The following LRMDA variants were observed in gnomAD, a reference collection of about 807,000 sequenced individuals.
LRMDA encodes leucine rich melanocyte differentiation associated.
Under a neutral mutation model 29.8 loss-of-function variants are expected in LRMDA, and 18 were observed. The ratio of observed to expected loss-of-function variants is 0.60; its 90% CI spans 0.42 to 0.90. The LOEUF (loss-of-function observed/expected upper bound fraction) is 0.90, where lower values mean the gene tolerates loss of function less well. Among genes scored for constraint, LRMDA ranks in the 40% least tolerant of loss-of-function variants. The pLI, the probability that LRMDA is intolerant of heterozygous loss-of-function variation, is 0.00. For synonymous variants in LRMDA, 125 were observed against 109.4 expected, an observed-to-expected ratio of 1.14 and a Z score of -0.89; for missense variants, 273 against 273.9, an observed-to-expected ratio of 1.00 and a Z score of 0.02.
At chr10:75,954,459 A>T (rs140360925) in intron 2 of LRMDA, among the ~76,000 whole-genome samples, 1 of 152,234 alleles carries the variant, frequency 6.6e-6, no homozygotes, top group Non-Finnish European at 1.5e-5. Flanking sequence ...GCTAAAATGC[A>T]TGTTTTTCAC....
chr10:76,131,368 C>T lies in LRMDA; in HGVS notation c.516+72585C>T, dbSNP rs138154284. Among the ~76,000 whole-genome samples, 491 of 152,274 alleles carry T rather than the reference C, an allele frequency of 3.2e-3. 1 individual carries two copies. The highest frequency in any genetic ancestry group is 0.011 in the African/African-American group (459 of 41,560). The stretch of plus-strand genomic sequence containing the variant: ...TTCCTCTCAGCCAAACAGAATCACC[C>T]CTGAGGTGCCATAGCCCTTCATCCC... On this transcript the variant is annotated intron_variant, in intron 5 of 6. Coordinates refer to ENST00000611255, the MANE Select transcript of LRMDA (RefSeq NM_001305581.2).
At chr10:75,867,018 G>T (rs1331087582) in intron 2 of LRMDA, among the ~76,000 whole-genome samples, 1 of 152,158 alleles carries the variant, frequency 6.6e-6, no homozygotes, top group African/African-American at 2.4e-5. Context: ...ATAATATGCT[G>T]TACATCTGTG....
intron 2 of LRMDA, among the ~76,000 whole-genome samples, chr10:75,666,662 C>A (rs1841826475): frequency 6.6e-6 from 1 of 151,448 alleles, no homozygotes; most frequent in Non-Finnish European, 1.5e-5. Flanking sequence ...GTATAAGGAC[C>A]ATTTAATAAG....
At chr10:76,247,791 G>A (rs1265774414) in intron 5 of LRMDA, among the ~76,000 whole-genome samples, 1 of 152,146 alleles carries the variant, frequency 6.6e-6, no homozygotes, top group Non-Finnish European at 1.5e-5. Flanking sequence ...GCATTTGCAT[G>A]TGGGGTCCTA....
At chr10:75,837,399 G>A (rs956361583) in intron 2 of LRMDA, among the ~76,000 whole-genome samples, 1 of 152,138 alleles carries the variant, frequency 6.6e-6, no homozygotes, top group African/African-American at 2.4e-5. Flanking sequence ...TAAGGTCTTC[G>A]TAGAAATGTC....
At chr10:76,387,557 C>G (rs888165661) in intron 6 of LRMDA, among the ~76,000 whole-genome samples, 3 of 151,232 alleles carry the variant, frequency 2.0e-5, no homozygotes, top group Non-Finnish European at 2.9e-5. Context: ...GAGGTATGAT[C>G]ATGCCGCTGC....
intron 2 of LRMDA, among the ~76,000 whole-genome samples, chr10:76,008,594 A>G (rs1004825153): frequency 6.6e-6 from 1 of 152,254 alleles, no homozygotes; most frequent in African/African-American, 2.4e-5. Context: ...TGGCGTGGCC[A>G]GTGCCAACCT....
intron 2 of LRMDA, among the ~76,000 whole-genome samples, chr10:75,540,075 T>A (rs1013396644): frequency 2.0e-5 from 3 of 152,138 alleles, no homozygotes. Flanking sequence ...GCAGAAATAA[T>A]AACAGATAAT....
intron 2 of LRMDA, among the ~76,000 whole-genome samples, chr10:75,692,830 G>A (rs1842188563): frequency 6.6e-6 from 1 of 152,124 alleles, no homozygotes; most frequent in African/African-American, 2.4e-5. Context: ...TGCCACGTGT[G>A]TGTGCAGTCA....
chr10:75,754,454 A>G (rs183998398), intron 2 of LRMDA, among the ~76,000 whole-genome samples: 1 of 152,380 alleles, frequency 6.6e-6, no homozygotes, highest in East Asian at 1.9e-4. Context: ...AGCATATAAT[A>G]CAAGTTGCAT....
intron 6 of LRMDA, among the ~76,000 whole-genome samples, chr10:76,328,381 A>G (rs978254982): frequency 6.6e-6 from 1 of 152,206 alleles, no homozygotes; most frequent in Non-Finnish European, 1.5e-5. Flanking sequence ...TAGAATGTAA[A>G]CTATATCATC....
chr10:75,529,838 A>G (rs894404957), intron 2 of LRMDA, among the ~76,000 whole-genome samples: 1 of 152,214 alleles, frequency 6.6e-6, no homozygotes, highest in Non-Finnish European at 1.5e-5. Flanking sequence ...CAACGTATCT[A>G]TATTGGAAAA....
chr10:75,674,310 C>A (rs1249327275), intron 2 of LRMDA, among the ~76,000 whole-genome samples: 2 of 152,126 alleles, frequency 1.3e-5, no homozygotes, highest in Non-Finnish European at 2.9e-5. Flanking sequence ...CCGCACAACA[C>A]CTTTCTGTTC....
intron 2 of LRMDA, among the ~76,000 whole-genome samples, chr10:75,513,318 G>A (rs2915028): frequency 0.52 from 79,027 of 151,962 alleles, 22,549 homozygotes; most frequent in Non-Finnish European, 0.63. Context: ...TCTTGCGTGC[G>A]TGTTGGCTTG....
intron 6 of LRMDA, among the ~76,000 whole-genome samples, chr10:76,538,158 C>T (rs1189020902): frequency 2.0e-5 from 3 of 151,904 alleles, no homozygotes; most frequent in African/African-American, 4.8e-5. Flanking sequence ...CATTTTCCAT[C>T]CTTTCCAATT....
At chr10:75,520,231 G>T (rs1845340373) in intron 2 of LRMDA, among the ~76,000 whole-genome samples, 1 of 152,172 alleles carries the variant, frequency 6.6e-6, no homozygotes, top group South Asian at 2.1e-4. Flanking sequence ...GGCCTGCCTT[G>T]GTAGGTTGGG....
chr10:75,531,995 GATTGCACC>G (rs1845482461), intron 2 of LRMDA, among the ~76,000 whole-genome samples: 1 of 140,552 alleles, frequency 7.1e-6, no homozygotes, highest in African/African-American at 2.6e-5. Context: ...GTGGTAAGCT[GATTGCACC>G]ATTGCACTCC....
intron 5 of LRMDA, among the ~76,000 whole-genome samples, chr10:76,212,184 G>A (rs1233204378): frequency 6.7e-6 from 1 of 149,586 alleles, no homozygotes; most frequent in East Asian, 2.0e-4. Context: ...AATTAACATA[G>A]GATACAGATT....
At chr10:76,031,585 G>T (rs1848151466) in intron 2 of LRMDA, among the ~76,000 whole-genome samples, 1 of 152,100 alleles carries the variant, frequency 6.6e-6, no homozygotes. Context: ...TCTTAGAGGG[G>T]CCTGGGCAGA....
Sources: gnomAD v4.1 joint callset for allele counts (sites outside exome capture counted in the v4.1 genomes callset) on GRCh38, gnomAD v4.1.1 for gene constraint, MANE v1.5 for transcripts, NCBI Gene and HGNC (gene_info 2026-07-23, HGNC 2026-07-21) for gene names.